The following TJP2 variants were observed in gnomAD, a reference collection of about 807,000 sequenced individuals.
TJP2 encodes tight junction protein 2.
A neutral mutation model predicts 133.1 loss-of-function variants in TJP2; 91 were observed. The observed-to-expected ratio is 0.68, with a 90% confidence interval of 0.58 to 0.81. TJP2 has a LOEUF of 0.81. Among genes scored for constraint, TJP2 ranks in the 40% least tolerant of loss-of-function variants. The probability of loss-of-function intolerance (pLI) is 0.00; values close to 1 mark genes in which losing one functional copy is unlikely to be tolerated. For missense variants in TJP2, 1,541 were observed against 1,565.6 expected, an observed-to-expected ratio of 0.98 and a Z score of 0.26; for synonymous variants, 592 against 583.4, an observed-to-expected ratio of 1.01 and a Z score of -0.21.
At chr9:69,132,842 T>C (rs1822557091) in intron 1 of TJP2, among the ~76,000 whole-genome samples, 1 of 152,232 alleles carries the variant, frequency 6.6e-6, no homozygotes. Flanking sequence ...ATGAATTTTA[T>C]AATCAGACCA....
At chr9:69,218,198 ATAATT>A in intron 3 of TJP2, 54 bp from the exon 4 acceptor site, 4 of 1,359,966 alleles carry the variant, frequency 2.9e-6, no homozygotes, top group Non-Finnish European at 4.2e-6. Flanking sequence ...TCCTAAATAA[ATAATT>A]TACAATGAAT....
chr9:69,146,410 C>T (rs1723449565), intron 1 of TJP2, among the ~76,000 whole-genome samples: 1 of 152,144 alleles, frequency 6.6e-6, no homozygotes, highest in South Asian at 2.1e-4. Context: ...ATTTAAGGTG[C>T]CTTTATGGTA....
chr9:69,134,226 T>C (rs1822628497), intron 1 of TJP2, among the ~76,000 whole-genome samples: 2 of 152,202 alleles, frequency 1.3e-5, no homozygotes, highest in South Asian at 2.1e-4. Flanking sequence ...GGAGTTGGAC[T>C]GGAACACCCA....
intron 1 of TJP2, among the ~76,000 whole-genome samples, chr9:69,140,520 C>T (rs1822974538): frequency 6.6e-6 from 1 of 152,162 alleles, no homozygotes; most frequent in Admixed American, 6.5e-5. Context: ...CTGCTGTCAG[C>T]CAACTGCTGT....
intron 4 of TJP2, among the ~76,000 whole-genome samples, chr9:69,220,011 C>T (rs907333788): frequency 6.6e-6 from 1 of 152,134 alleles, no homozygotes; most frequent in Middle Eastern, 3.2e-3. Flanking sequence ...ATTAGCCAGG[C>T]ATGGTGGTGT....
Position 69,254,363 on chromosome 9 carries a change from A to C in TJP2, c.3562A>C (p.Thr1188Pro), listed in dbSNP as rs192802385. 1 of 1,614,210 alleles carries C rather than the reference A, an allele frequency of 6.2e-7. No individual in the cohort carries two copies. The highest frequency in any genetic ancestry group is 8.5e-7 in the Non-Finnish European group (1 of 1,180,038). The change falls in exon 23 of 23, where the codon ACA becomes CCA. Residue 1188 changes from threonine to proline, a missense_variant. By Grantham distance (38) the Thr-to-Pro change is conservative. Transcript: ENST00000377245. ...YYGQSARYRD[T>P]EL is the part of the protein sequence containing the mutation. ...TGGCCAGTCTGCCCGATACCGGGAC[A>C]CAGAATTATAGATGTCTGAGCACGG...
At position 69,249,388 on chromosome 9, in the gene TJP2, C is replaced by G; in HGVS notation, c.2894C>G (p.Pro965Arg). ...TATGTCTTGTAGAGCATAAGGAAAC[C>G]CAGCCCAGAGCCACGAGCTCAGATG... ...PVQHEESIRK[P>R]SPEPRAQMRR... Residue 965 changes from proline to arginine, a missense_variant, in exon 20 of 23, where the codon CCC (proline) becomes CGC (arginine). By Grantham distance (103) the Pro-to-Arg change is moderately radical. Coordinates refer to ENST00000377245, the MANE Select transcript of TJP2 (RefSeq NM_004817.4). 6.2e-7 allele frequency: 1 copy of G among 1,610,194 alleles called. No individual in the cohort carries two copies. Among genetic ancestry groups the G allele is most frequent in the South Asian group, 1.1e-5 (1 of 90,162 alleles).
chr9:69,245,093 A>G (rs1484072960), intron 17 of TJP2, among the ~76,000 whole-genome samples: 1 of 151,604 alleles, frequency 6.6e-6, no homozygotes, highest in Non-Finnish European at 1.5e-5. Context: ...AGATGAGCAC[A>G]GTAATCTTTG....
chr9:69,229,381 C>T (rs937343198), intron 10 of TJP2, 131 bp downstream of exon 10: 1 of 849,600 alleles, frequency 1.2e-6, no homozygotes, highest in African/African-American at 1.7e-5. Context: ...TAACCAATCC[C>T]CATTGGTAGT....
chr9:69,211,182 C>G (rs1184348210), intron 1 of TJP2, among the ~76,000 whole-genome samples: 1 of 152,100 alleles, frequency 6.6e-6, no homozygotes, highest in Non-Finnish European at 1.5e-5. Flanking sequence ...TACTAAAATA[C>G]AAAAATTAGC....
At chr9:69,162,784 T>C (rs1824149253) in intron 2 of TJP2, among the ~76,000 whole-genome samples, 2 of 152,216 alleles carry the variant, frequency 1.3e-5, no homozygotes. Flanking sequence ...GGAAAGGTGC[T>C]CAGTAGTTGG....
intron 1 of TJP2, among the ~76,000 whole-genome samples, chr9:69,191,405 A>C (rs548328441): frequency 1.3e-5 from 2 of 152,208 alleles, no homozygotes; most frequent in Non-Finnish European, 2.9e-5. Context: ...TGACTATTTC[A>C]GTTCCAAACA....
At chr9:69,160,848 G>A (rs1281366366) in intron 2 of TJP2, among the ~76,000 whole-genome samples, 5 of 152,168 alleles carry the variant, frequency 3.3e-5, no homozygotes, top group African/African-American at 9.7e-5. Context: ...ATCAGATCTC[G>A]TGAGACTTAT....
intron 5 of TJP2, among the ~76,000 whole-genome samples, chr9:69,224,660 A>G (rs1321025298): frequency 6.6e-6 from 1 of 152,178 alleles, no homozygotes; most frequent in Non-Finnish European, 1.5e-5. Context: ...CTGGGTGACA[A>G]AGCAAGATTC....
chr9:69,174,014 C>T, upstream of TJP2: 4 of 984,306 alleles, frequency 4.1e-6, no homozygotes, highest in Non-Finnish European at 4.8e-6. Flanking sequence ...GCTTCTCCTG[C>T]CGCCGCCGCC....
At chr9:69,232,178 G>A (rs1829835317) in intron 11 of TJP2, among the ~76,000 whole-genome samples, 1 of 152,176 alleles carries the variant, frequency 6.6e-6, no homozygotes, top group South Asian at 2.1e-4. Flanking sequence ...TCTGGGAACT[G>A]GCTTCTTTTG....
intron 1 of TJP2, among the ~76,000 whole-genome samples, chr9:69,139,142 T>G (rs976055751): frequency 6.2e-5 from 9 of 144,502 alleles, no homozygotes; most frequent in Admixed American, 3.5e-4. Context: ...GCTTGAACCC[T>G]GGAGGCGGAG....
chr9:69,252,758 A>G, intron 21 of TJP2, 57 bp from the exon 22 acceptor site: 1 of 1,526,298 alleles, frequency 6.6e-7, no homozygotes, highest in South Asian at 1.1e-5. Flanking sequence ...ACCAGCAAGC[A>G]GAGTGCCCAG....
intron 22 of TJP2, chr9:69,253,465 G>GT (rs952163131): frequency 1.0e-4 from 16 of 155,136 alleles, no homozygotes; most frequent in Admixed American, 2.5e-4. Context: ...CCATTCTTTT[G>GT]TTTTTTTTGG....
Sources: gnomAD v4.1 joint callset for allele counts (sites outside exome capture counted in the v4.1 genomes callset) on GRCh38, gnomAD v4.1.1 for gene constraint, MANE v1.5 for transcripts, NCBI Gene and HGNC (gene_info 2026-07-23, HGNC 2026-07-21) for gene names.